Variants in NRG3 observed in about 807,000 individuals in gnomAD.
NRG3 encodes pro-neuregulin-3, membrane-bound isoform.
Under a neutral mutation model 66.9 loss-of-function variants are expected in NRG3, and 31 were observed. The observed-to-expected ratio is 0.46, with a 90% CI of 0.35 to 0.63. The LOEUF (loss-of-function observed/expected upper bound fraction) is 0.63, where lower values mean the gene tolerates loss of function less well. NRG3 is among the 20% of genes least tolerant of loss of function. NRG3 has a pLI of 0.00. For synonymous variants in NRG3, 393 were observed against 359.4 expected (o/e 1.09, Z -1.06); for missense variants, 910 against 878.9 (o/e 1.04, Z -0.45).
At chr10:82,362,658 G>A (rs2084263263) in intron 2 of NRG3, among the ~76,000 whole-genome samples, 1 of 145,978 alleles carries the variant, frequency 6.9e-6, no homozygotes, top group Admixed American at 7.1e-5. Flanking sequence ...CTAAAATGTT[G>A]GGATTACAGG....
chr10:81,911,311 A>G (rs1845120898), intron 1 of NRG3, among the ~76,000 whole-genome samples: 1 of 152,284 alleles, frequency 6.6e-6, no homozygotes, highest in East Asian at 1.9e-4. Flanking sequence ...GCTACTACAT[A>G]GTGAAAGCCT....
chr10:82,054,842 T>TA (rs57587131), intron 1 of NRG3, among the ~76,000 whole-genome samples: 2,819 of 150,830 alleles, frequency 0.019, 40 homozygotes, highest in Non-Finnish European at 0.032. Flanking sequence ...CCCAGATCTA[T>TA]AAAAAAAAAT....
chr10:82,758,315 T>G (rs2059160484), intron 3 of NRG3, among the ~76,000 whole-genome samples: 1 of 152,110 alleles, frequency 6.6e-6, no homozygotes, highest in Non-Finnish European at 1.5e-5. Context: ...GAGAGCATTT[T>G]AGGACTTAAA....
At chr10:82,848,780 C>T (rs1272264550) in intron 3 of NRG3, among the ~76,000 whole-genome samples, 2 of 152,118 alleles carry the variant, frequency 1.3e-5, no homozygotes, top group Admixed American at 6.5e-5. Flanking sequence ...TTTTCCCATG[C>T]TGTTCTCATG....
intron 1 of NRG3, among the ~76,000 whole-genome samples, chr10:82,078,755 A>G (rs1311678706): frequency 6.6e-6 from 1 of 152,232 alleles, no homozygotes; most frequent in Non-Finnish European, 1.5e-5. Context: ...ACTGCGATAG[A>G]AGTATTTCAT....
chr10:82,408,364 T>G (rs1369062889), intron 2 of NRG3, among the ~76,000 whole-genome samples: 1 of 151,972 alleles, frequency 6.6e-6, no homozygotes, highest in Non-Finnish European at 1.5e-5. Context: ...TCAAAACCAC[T>G]TAAAACTGAT....
intron 1 of NRG3, among the ~76,000 whole-genome samples, chr10:82,261,158 C>G (rs2078006457): frequency 6.6e-6 from 1 of 152,156 alleles, no homozygotes; most frequent in Non-Finnish European, 1.5e-5. Flanking sequence ...CCCCACATGT[C>G]AAGGGAGAAA....
At chr10:82,819,844 A>G (rs1309436612) in intron 3 of NRG3, among the ~76,000 whole-genome samples, 2 of 152,200 alleles carry the variant, frequency 1.3e-5, no homozygotes, top group East Asian at 3.9e-4. Flanking sequence ...TTGAAAGAGA[A>G]TCCCCAAGGC....
intron 1 of NRG3, among the ~76,000 whole-genome samples, chr10:82,243,425 C>T (rs775551787): frequency 1.6e-4 from 25 of 151,528 alleles, no homozygotes; most frequent in Admixed American, 1.4e-3. Context: ...TACAAGTGCC[C>T]CACCACAATT....
At chr10:82,644,836 C>T (rs1300897791) in intron 2 of NRG3, among the ~76,000 whole-genome samples, 1 of 152,108 alleles carries the variant, frequency 6.6e-6, no homozygotes, top group African/African-American at 2.4e-5. Context: ...CCCAGTTTTC[C>T]ACTGAAACAC....
At chr10:82,117,212 CTA>C (rs1199039376) in intron 1 of NRG3, among the ~76,000 whole-genome samples, 1 of 152,124 alleles carries the variant, frequency 6.6e-6, no homozygotes, top group Non-Finnish European at 1.5e-5. Flanking sequence ...TTGATTTTCT[CTA>C]TGAGTTCTCC....
At chr10:81,951,807 A>G (rs1180150469) in intron 1 of NRG3, among the ~76,000 whole-genome samples, 1 of 152,234 alleles carries the variant, frequency 6.6e-6, no homozygotes, top group East Asian at 1.9e-4. Context: ...ATGCTGCTAT[A>G]AAGACACATG....
intron 2 of NRG3, among the ~76,000 whole-genome samples, chr10:82,446,841 C>A (rs1363077832): frequency 1.3e-5 from 2 of 152,136 alleles, no homozygotes. Context: ...TGTCCCCTGC[C>A]CCCATGCCTG....
At chr10:82,504,997 CT>C (rs1209780661) in intron 2 of NRG3, among the ~76,000 whole-genome samples, 2 of 152,078 alleles carry the variant, frequency 1.3e-5, no homozygotes, top group Non-Finnish European at 2.9e-5. Context: ...AGTACAGACT[CT>C]ATGGGCCAAG....
intron 2 of NRG3, among the ~76,000 whole-genome samples, chr10:82,542,446 A>C (rs2043608570): frequency 6.6e-6 from 1 of 152,278 alleles, no homozygotes; most frequent in African/African-American, 2.4e-5. Flanking sequence ...TAAATCTTGA[A>C]TATAAACTGA....
At chr10:81,950,586 A>G (rs189678991) in intron 1 of NRG3, among the ~76,000 whole-genome samples, 86 of 152,326 alleles carry the variant, frequency 5.6e-4, no homozygotes, top group Middle Eastern at 3.4e-3. Flanking sequence ...AGTGCATCAC[A>G]CAGAGCCAAG....
chr10:82,058,657 C>T lies in NRG3; in HGVS notation c.823+182494C>T, dbSNP rs139714835. ...AAGTTTTTTTATTTTGATTTTTTTC[C>T]CTTCTCCTTCCTTTAGTCATCTCAC... On this transcript the variant is annotated intron_variant, in intron 1 of 8. Transcript: ENST00000372141. Among the ~76,000 whole-genome samples, 60 of 150,868 alleles carry T rather than the reference C, an allele frequency of 4.0e-4. No homozygotes were observed. The East Asian group carries it at 0.012, about 29-fold the overall frequency.
At position 82,540,159 on chromosome 10, in the gene NRG3, C is replaced by T. The variant is rs1419673608; in HGVS notation, c.953+181291C>T. ...TTTTCAGCTTGCTATTTTCCATAGC[C>T]GTGCTGTAATTAATAATCTTTTGTA... On this transcript the variant is annotated intron_variant, in intron 2 of 8. Transcript: ENST00000372141. Among the ~76,000 whole-genome samples, 3 of 151,626 alleles carry T rather than the reference C, an allele frequency of 2.0e-5. No homozygotes were observed. In the East Asian group the frequency reaches 5.8e-4, roughly 29 times the overall value.
intron 1 of NRG3, among the ~76,000 whole-genome samples, chr10:82,138,707 A>T (rs1384993272): frequency 6.6e-6 from 1 of 152,156 alleles, no homozygotes. Flanking sequence ...CCTACAGTGC[A>T]GTCTTCAGTC....
Sources: gnomAD v4.1 joint callset for allele counts (sites outside exome capture counted in the v4.1 genomes callset) on GRCh38, gnomAD v4.1.1 for gene constraint, MANE v1.5 for transcripts, NCBI Gene and HGNC (gene_info 2026-07-23, HGNC 2026-07-21) for gene names.